The following CATSPERQ variants were observed in gnomAD, a reference collection of about 807,000 sequenced individuals.
CATSPERQ encodes cation channel sperm-associated auxiliary subunit theta.
the CATSPERQ span, chr8:144,354,033 G>C: frequency 1.3e-6 from 2 of 1,535,500 alleles, no homozygotes; most frequent in Non-Finnish European, 1.7e-6. The surrounding 1 kb of genome is among the most constrained non-coding windows in gnomAD (Gnocchi z 4.6). Flanking sequence ...TGGAGAAGTG[G>C]TACACGCCGC....
chr8:144,353,757 G>C, the CATSPERQ span: 1 of 1,534,950 alleles, frequency 6.5e-7, no homozygotes, highest in Admixed American at 2.0e-5. Context: ...TGAGGAGGGC[G>C]CGTGTCTGGG....
chr8:144,354,534 C>T, the CATSPERQ span: 3 of 1,448,262 alleles, frequency 2.1e-6, no homozygotes, highest in East Asian at 5.2e-5. The surrounding 1 kb of genome is among the most constrained non-coding windows in gnomAD (Gnocchi z 4.6). Flanking sequence ...CCGCCCCATT[C>T]AGGCCTCGGG....
chr8:144,353,458 A>C, the CATSPERQ span: 8 of 1,535,874 alleles, frequency 5.2e-6, no homozygotes, highest in Non-Finnish European at 7.0e-6. Flanking sequence ...TGCCGGTAGG[A>C]GGTGGCCAGG....
the CATSPERQ span, chr8:144,354,555 T>TCCCACC: frequency 1.5e-6 from 1 of 681,608 alleles, no homozygotes; most frequent in African/African-American, 2.1e-5. The surrounding 1 kb of genome is among the most constrained non-coding windows in gnomAD (Gnocchi z 4.6). Context: ...CCCGTCTCCC[T>TCCCACC]CCTCCCCCGC....
chr8:144,354,820 C>T, the CATSPERQ span: 1 of 1,514,810 alleles, frequency 6.6e-7, no homozygotes, highest in South Asian at 1.2e-5. This position sits in a 1 kb window ranked among gnomAD's most constrained non-coding sequence, Gnocchi z 4.6. Flanking sequence ...CCGCCGCCCA[C>T]TGCCCACAGC....
At chr8:144,353,783 A>AGTG in the CATSPERQ span, 3 of 1,535,512 alleles carry the variant, frequency 2.0e-6, no homozygotes, top group Non-Finnish European at 2.6e-6. Context: ...CCCACCTCGT[A>AGTG]GTGCTCCGAC....
At chr8:144,353,396 G>A in the CATSPERQ span, 5 of 1,535,548 alleles carry the variant, frequency 3.3e-6, no homozygotes, top group Admixed American at 5.9e-5. Flanking sequence ...GACCCATGGG[G>A]CTCTTGCCCA....
the CATSPERQ span, chr8:144,354,813 C>T: frequency 6.6e-7 from 1 of 1,520,164 alleles, no homozygotes; most frequent in Admixed American, 2.0e-5. The surrounding 1 kb of genome is among the most constrained non-coding windows in gnomAD (Gnocchi z 4.6). Flanking sequence ...TCCGCTGCCG[C>T]CGCCCACTGC....
At chr8:144,354,442 C>A in the CATSPERQ span, 1 of 1,308,582 alleles carries the variant, frequency 7.6e-7, no homozygotes, top group Non-Finnish European at 1.0e-6. This position sits in a 1 kb window ranked among gnomAD's most constrained non-coding sequence, Gnocchi z 4.6. Flanking sequence ...GCGGAGGCGA[C>A]GTCTCGCCTG....
At chr8:144,354,189 G>C in the CATSPERQ span, 3 of 1,542,296 alleles carry the variant, frequency 1.9e-6, no homozygotes, top group Non-Finnish European at 2.6e-6. This position sits in a 1 kb window ranked among gnomAD's most constrained non-coding sequence, Gnocchi z 4.6. Flanking sequence ...GCGCGGGGCC[G>C]GCCCTCAGGG....
the CATSPERQ span, chr8:144,353,552 T>A: frequency 6.6e-7 from 1 of 1,523,878 alleles, no homozygotes; most frequent in Non-Finnish European, 8.8e-7. Flanking sequence ...GGCGCTCAAC[T>A]GGGGCCGGGA....
the CATSPERQ span, chr8:144,354,318 T>A: frequency 2.6e-6 from 4 of 1,533,402 alleles, no homozygotes; most frequent in Non-Finnish European, 3.5e-6. The surrounding 1 kb of genome is among the most constrained non-coding windows in gnomAD (Gnocchi z 4.6). Flanking sequence ...CCAGGTAGTA[T>A]TCGAGCACGA....
the CATSPERQ span, chr8:144,354,098 G>GGCCCAC: frequency 3.9e-6 from 6 of 1,535,234 alleles, no homozygotes; most frequent in South Asian, 3.6e-5. The surrounding 1 kb of genome is among the most constrained non-coding windows in gnomAD (Gnocchi z 4.6). Context: ...ACGAGCCACA[G>GGCCCAC]GCCCACGCCC....
the CATSPERQ span, chr8:144,354,432 G>C: frequency 1.5e-6 from 2 of 1,343,448 alleles, no homozygotes; most frequent in South Asian, 1.5e-5. The surrounding 1 kb of genome is among the most constrained non-coding windows in gnomAD (Gnocchi z 4.6). Flanking sequence ...CGCAGGGCTC[G>C]CGGAGGCGAC....
the CATSPERQ span, chr8:144,354,415 G>A: frequency 9.1e-6 from 13 of 1,423,904 alleles, no homozygotes; most frequent in Admixed American, 1.3e-4. The surrounding 1 kb of genome is among the most constrained non-coding windows in gnomAD (Gnocchi z 4.6). Context: ...CGGACTAGCT[G>A]GGTCCGCGCA....
the CATSPERQ span, chr8:144,354,522 C>T: frequency 6.9e-7 from 1 of 1,445,628 alleles, no homozygotes; most frequent in Admixed American, 2.2e-5. The surrounding 1 kb of genome is among the most constrained non-coding windows in gnomAD (Gnocchi z 4.6). Flanking sequence ...GCCCACCTGG[C>T]TCCGCCCCAT....
the CATSPERQ span, chr8:144,354,200 G>A: frequency 3.2e-6 from 5 of 1,545,360 alleles, no homozygotes; most frequent in Non-Finnish European, 4.3e-6. The surrounding 1 kb of genome is among the most constrained non-coding windows in gnomAD (Gnocchi z 4.6). Context: ...GCCCTCAGGG[G>A]AGGAGGGCGG....
the CATSPERQ span, chr8:144,354,358 G>A: frequency 1.3e-6 from 2 of 1,526,388 alleles, no homozygotes; most frequent in Admixed American, 2.0e-5. This position sits in a 1 kb window ranked among gnomAD's most constrained non-coding sequence, Gnocchi z 4.6. Context: ...GCGTGAGGAC[G>A]CCCCGGCCCT....
At chr8:144,354,193 C>T in the CATSPERQ span, 2 of 1,544,362 alleles carry the variant, frequency 1.3e-6, no homozygotes, top group Non-Finnish European at 1.7e-6. The surrounding 1 kb of genome is among the most constrained non-coding windows in gnomAD (Gnocchi z 4.6). Context: ...GGGGCCGGCC[C>T]TCAGGGGAGG....
Sources: gnomAD v4.1 joint callset for allele counts on GRCh38, gnomAD v4.1.1 for gene constraint, Gnocchi (gnomAD v3.1) non-coding constraint, MANE v1.5 for transcripts, NCBI Gene and HGNC (gene_info 2026-07-23, HGNC 2026-07-21) for gene names.